The following BCKDHB variants were observed in gnomAD, a reference collection of about 807,000 sequenced individuals.
BCKDHB encodes 2-oxoisovalerate dehydrogenase subunit beta, mitochondrial.
A neutral mutation model predicts 48.5 loss-of-function variants in BCKDHB; 41 were observed. The ratio of observed to expected loss-of-function variants is 0.85; its 90% CI spans 0.66 to 1.10. The LOEUF is 1.10. Ranked by LOEUF, BCKDHB falls within the 50% of genes least tolerant of loss-of-function variation. The pLI is 0.00. For synonymous variants in BCKDHB, 201 were observed against 174.8 expected, an observed-to-expected ratio of 1.15 and a Z score of -1.18; for missense variants, 496 against 494.2, an observed-to-expected ratio of 1.00 and a Z score of -0.03.
At chr6:80,405,542 A>G in the BCKDHB span, among the ~76,000 whole-genome samples, 1 of 152,140 alleles carries the variant, frequency 6.6e-6, no homozygotes, top group Non-Finnish European at 1.5e-5. Context: ...AATTATTCAT[A>G]GGTAAGGCCT....
At chr6:80,227,817 A>G (rs1323460138) in intron 8 of BCKDHB, among the ~76,000 whole-genome samples, 2 of 152,186 alleles carry the variant, frequency 1.3e-5, no homozygotes, top group South Asian at 2.1e-4. Context: ...AATGGTAGAG[A>G]TGTTTTCTAA....
At chr6:80,181,391 TCTGA>T (rs1345660139) in intron 6 of BCKDHB, among the ~76,000 whole-genome samples, 4 of 152,188 alleles carry the variant, frequency 2.6e-5, no homozygotes, top group Non-Finnish European at 4.4e-5. Flanking sequence ...TAACACATAC[TCTGA>T]CTGTCAGCCA....
At chr6:80,222,949 T>G (rs372531217) in intron 8 of BCKDHB, among the ~76,000 whole-genome samples, 28 of 152,288 alleles carry the variant, frequency 1.8e-4, no homozygotes, top group African/African-American at 6.0e-4. Context: ...CACATTAGAT[T>G]GGAAGCAACA....
At chr6:80,346,534 G>T (rs1464757745), downstream of BCKDHB, among the ~76,000 whole-genome samples, 1 of 152,078 alleles carries the variant, frequency 6.6e-6, no homozygotes, top group Admixed American at 6.6e-5. Context: ...CCAGTGTGTG[G>T]TGGGTGGTGA....
At chr6:80,328,833 T>C (rs1769174843) in intron 9 of BCKDHB, among the ~76,000 whole-genome samples, 1 of 152,170 alleles carries the variant, frequency 6.6e-6, no homozygotes, top group Admixed American at 6.5e-5. Flanking sequence ...GGTTTTCCTT[T>C]ACTGCCCCTA....
intron 8 of BCKDHB, among the ~76,000 whole-genome samples, chr6:80,270,621 A>G (rs1159945027): frequency 5.3e-5 from 8 of 152,058 alleles, no homozygotes; most frequent in Admixed American, 2.0e-4. Context: ...AGAGCACACA[A>G]TTTTTGTAAT....
At chr6:80,451,394 C>A in the BCKDHB span, among the ~76,000 whole-genome samples, 2 of 152,146 alleles carry the variant, frequency 1.3e-5, no homozygotes, top group African/African-American at 2.4e-5. Flanking sequence ...AATATCTATA[C>A]AAATTTTGCT....
intron 3 of BCKDHB, chr6:80,135,972 T>C (rs953864755): frequency 6.6e-6 from 1 of 152,216 alleles, no homozygotes; most frequent in Non-Finnish European, 1.5e-5. Context: ...TCAAGGTTTA[T>C]TGATGTTTCA....
chr6:80,426,442 C>G, the BCKDHB span, among the ~76,000 whole-genome samples: 1 of 152,096 alleles, frequency 6.6e-6, no homozygotes, highest in African/African-American at 2.4e-5. Context: ...AACTTCTTTT[C>G]TAATATAATC....
the BCKDHB span, among the ~76,000 whole-genome samples, chr6:80,392,755 A>G: frequency 6.6e-6 from 1 of 151,548 alleles, no homozygotes; most frequent in Non-Finnish European, 1.5e-5. Context: ...TATATTTAAT[A>G]GTCTAGTTAA....
chr6:80,285,247 A>G (rs689407), intron 9 of BCKDHB, among the ~76,000 whole-genome samples: 121,350 of 152,024 alleles, frequency 0.8, 48,616 homozygotes, highest in Admixed American at 0.87. Flanking sequence ...AAATTTTATT[A>G]AAACCAGCTT....
chr6:80,410,137 G>A, the BCKDHB span, among the ~76,000 whole-genome samples: 5 of 152,128 alleles, frequency 3.3e-5, no homozygotes, highest in South Asian at 2.1e-4. Flanking sequence ...TGTAAGGCAG[G>A]CCTGGTGGTG....
the BCKDHB span, chr6:80,443,490 A>G: frequency 6.6e-6 from 1 of 152,200 alleles, no homozygotes; most frequent in Non-Finnish European, 1.5e-5. Flanking sequence ...TGTTAAGGAC[A>G]TGAAGTGAAA....
At chr6:80,220,527 A>G (rs1390085009) in intron 8 of BCKDHB, among the ~76,000 whole-genome samples, 1 of 149,452 alleles carries the variant, frequency 6.7e-6, no homozygotes, top group Non-Finnish European at 1.5e-5. Context: ...TCCACTATGG[A>G]AAAAGTTGCA....
At chr6:80,256,419 A>G (rs1218778600) in intron 8 of BCKDHB, among the ~76,000 whole-genome samples, 1 of 152,212 alleles carries the variant, frequency 6.6e-6, no homozygotes, top group Admixed American at 6.5e-5. Flanking sequence ...CACAATGGTA[A>G]GTATTTGTGT....
In BCKDHB at chr6:80,245,621, A is replaced by G. The variant is rs138542281; in HGVS notation, c.952-27514A>G. 6.8e-4 allele frequency among the ~76,000 whole-genome samples: 103 copies of G among 152,306 alleles called. 1 individual carries two copies. In the East Asian group the frequency reaches 0.018, roughly 26 times the overall value. On this transcript the variant is annotated intron_variant, in intron 8 of 9. Transcript: ENST00000320393. ...ATTAGAATAACCAGAATAGCAAACTACTATTCCAAAGTGTAGTGCTCTGTG... is the reference window on the plus strand; with the variant it reads ...ATTAGAATAACCAGAATAGCAAACTGCTATTCCAAAGTGTAGTGCTCTGTG...
intron 8 of BCKDHB, among the ~76,000 whole-genome samples, chr6:80,213,137 T>C (rs2127845711): frequency 6.6e-6 from 1 of 152,326 alleles, no homozygotes; most frequent in East Asian, 1.9e-4. Context: ...TGTTTTCAAT[T>C]TGGTGCTTCT....
chr6:80,247,600 T>C (rs1004716501), intron 8 of BCKDHB, among the ~76,000 whole-genome samples: 12 of 152,220 alleles, frequency 7.9e-5, no homozygotes, highest in Non-Finnish European at 1.6e-4. Flanking sequence ...CTTTCCAAAA[T>C]CTTATTTCTA....
intron 9 of BCKDHB, among the ~76,000 whole-genome samples, chr6:80,312,254 A>G (rs1208794568): frequency 6.6e-6 from 1 of 152,196 alleles, no homozygotes; most frequent in African/African-American, 2.4e-5. Context: ...TAGGAATGCT[A>G]GTAATTTTTG....
Sources: allele counts gnomAD v4.1 joint callset (sites outside exome capture counted in the v4.1 genomes callset), GRCh38; gene constraint gnomAD v4.1.1; transcripts MANE v1.5; gene names NCBI Gene and HGNC (gene_info 2026-07-23, HGNC 2026-07-21).